AEN: variants seen among roughly 807,000 people sequenced by gnomAD.
AEN encodes apoptosis enhancing nuclease, also known as apoptosis-enhancing nuclease.
In AEN, 21 loss-of-function variants were observed where a neutral mutation model predicts 17.7. That is an observed-to-expected ratio of 1.19 (90% CI 0.84 to 1.71). AEN has a LOEUF of 1.71. Among genes scored for constraint, AEN ranks in the 40% most tolerant of loss-of-function variants. The pLI is 0.00. For missense variants in AEN, 462 were observed against 435.9 expected (o/e 1.06, Z -0.53); for synonymous variants, 190 against 173.0 (o/e 1.10, Z -0.77).
upstream of AEN, among the ~76,000 whole-genome samples, chr15:88,618,945 T>G (rs1039007427): frequency 2.6e-5 from 4 of 152,300 alleles, no homozygotes; most frequent in East Asian, 7.7e-4. Flanking sequence ...TAGTTGGGAC[T>G]GTAGGCACAC....
upstream of AEN, among the ~76,000 whole-genome samples, chr15:88,620,535 CT>C: frequency 6.6e-6 from 1 of 152,072 alleles, no homozygotes; most frequent in East Asian, 1.9e-4. Flanking sequence ...CTGCCTCAGC[CT>C]CCCGAGTAGC....
rs1286163611 is a variant in AEN, at chr15:88,630,310, C to T, written c.*16C>T. Reference sequence around the variant, plus strand: ...AAGGAATTGAGAAGGGGGCGGGGCTCCCTGGCTGGGCTTCCGGTGTGGCCG... The same window carrying T: ...AAGGAATTGAGAAGGGGGCGGGGCTTCCTGGCTGGGCTTCCGGTGTGGCCG... On this transcript the variant is annotated 3_prime_UTR_variant, in exon 4 of 4. Coordinates refer to ENST00000332810, the MANE Select transcript of AEN (RefSeq NM_022767.4). The surrounding 1 kb of genome is among the most constrained non-coding windows in gnomAD (Gnocchi z 5.1). The T allele has an allele frequency of 8.3e-6, 13 of 1,561,172 alleles. No individual in the cohort carries two copies. Among genetic ancestry groups the T allele is most frequent in the Middle Eastern group, 3.3e-4 (2 of 5,992 alleles).
intron 1 of AEN, among the ~76,000 whole-genome samples, chr15:88,624,430 C>A (rs769093863): frequency 6.6e-6 from 1 of 152,174 alleles, no homozygotes; most frequent in Non-Finnish European, 1.5e-5. Context: ...AGAGTCTAAC[C>A]TCTCTGGGAG....
At chr15:88,628,329 T>C (rs184598027) in intron 2 of AEN, 1 of 152,246 alleles carries the variant, frequency 6.6e-6, no homozygotes, top group African/African-American at 2.4e-5. Flanking sequence ...GATAAACATA[T>C]GTTGCCAGCA....
the AEN span, among the ~76,000 whole-genome samples, chr15:88,611,388 G>T: frequency 6.7e-6 from 1 of 148,562 alleles, no homozygotes; most frequent in Non-Finnish European, 1.5e-5. Flanking sequence ...TTGAGCCCAG[G>T]AGTTCAAGAC....
At chr15:88,610,020 G>C in the AEN span, among the ~76,000 whole-genome samples, 1 of 152,218 alleles carries the variant, frequency 6.6e-6, no homozygotes, top group Non-Finnish European at 1.5e-5. Flanking sequence ...ATGTAAGCTA[G>C]ATCAGTCAGT....
At chr15:88,605,620 G>C in the AEN span, among the ~76,000 whole-genome samples, 4 of 152,344 alleles carry the variant, frequency 2.6e-5, no homozygotes, top group South Asian at 8.3e-4. This position sits in a 1 kb window ranked among gnomAD's most constrained non-coding sequence, Gnocchi z 7.6. Flanking sequence ...AATCAGAGGC[G>C]CCGGGGATTG....
At chr15:88,612,571 TTTTATTTATTTA>T in the AEN span, among the ~76,000 whole-genome samples, 487 of 140,542 alleles carry the variant, frequency 3.5e-3, 1 homozygote, top group Admixed American at 6.2e-3. Flanking sequence ...TTTCCCAGCC[TTTTATTTATTTA>T]TTTATTTATT....
the AEN span, chr15:88,605,084 G>A: frequency 1.3e-5 from 2 of 152,406 alleles, no homozygotes; most frequent in Admixed American, 6.5e-5. This position sits in a 1 kb window ranked among gnomAD's most constrained non-coding sequence, Gnocchi z 7.6. Flanking sequence ...AGAAGCGAGC[G>A]GCCAGGCTTG....
chr15:88,610,622 A>C, the AEN span, among the ~76,000 whole-genome samples: 2 of 149,504 alleles, frequency 1.3e-5, no homozygotes, highest in Non-Finnish European at 3.0e-5. Flanking sequence ...GACTCCCCCC[A>C]CTCCTCCTGC....
In AEN at chr15:88,626,983, C is replaced by G. The variant is rs2057863252; in HGVS notation, c.540+234C>G. The G allele has an allele frequency of 5.4e-6, 3 of 557,284 alleles. No individual in the cohort carries two copies. The East Asian group carries it at 9.0e-5, about 17-fold the overall frequency. The allele number at this position is 557,284 out of a possible 1,614,324, so 34.5% of individuals were successfully genotyped here. The stretch of plus-strand genomic sequence containing the variant: ...CACAGGACAATGTAGAAAGGCTACA[C>G]CAACTGTAAGGTGATAAATAGCTTA... On this transcript the variant is annotated intron_variant, in intron 2 of 3. Coordinates refer to ENST00000332810, the MANE Select transcript of AEN (RefSeq NM_022767.4).
At chr15:88,617,072 A>G (rs1303860109), upstream of AEN, among the ~76,000 whole-genome samples, 1 of 152,256 alleles carries the variant, frequency 6.6e-6, no homozygotes, top group African/African-American at 2.4e-5. Context: ...ATGATTTGAT[A>G]CAAATATTAT....
At chr15:88,622,347 A>T (rs575816806) in intron 1 of AEN, among the ~76,000 whole-genome samples, 1 of 152,354 alleles carries the variant, frequency 6.6e-6, no homozygotes, top group Non-Finnish European at 1.5e-5. Flanking sequence ...GGGTCCCCAA[A>T]GAGGTGTGTC....
upstream of AEN, among the ~76,000 whole-genome samples, chr15:88,617,040 G>A (rs985210882): frequency 1.3e-5 from 2 of 151,188 alleles, no homozygotes; most frequent in Non-Finnish European, 1.5e-5. Flanking sequence ...TTAAATGAAC[G>A]CAATGGAGTC....
chr15:88,613,809 C>T, the AEN span, among the ~76,000 whole-genome samples: 35,305 of 152,092 alleles, frequency 0.23, 4,640 homozygotes, highest in Non-Finnish European at 0.29. Context: ...TAGGTTATTA[C>T]GATAAGTAGG....
chr15:88,605,027 G>A, the AEN span: 3 of 152,334 alleles, frequency 2.0e-5, no homozygotes, highest in African/African-American at 7.2e-5. This position sits in a 1 kb window ranked among gnomAD's most constrained non-coding sequence, Gnocchi z 7.6. Context: ...CAGCCAACTG[G>A]AGCTGATATT....
rs2057930421 is a variant in AEN, at chr15:88,631,705, C to G, written c.*1411C>G. The stretch of plus-strand genomic sequence containing the variant: ...TTTATTCTTTGAGAATTTGTTGTAA[C>G]TTCTTCAGGATAACACCTGAGTCCA... On this transcript the variant is annotated 3_prime_UTR_variant, in exon 4 of 4. Transcript: ENST00000332810. The G allele has an allele frequency of 6.6e-6, 1 of 152,366 alleles. No homozygotes were observed. The highest frequency in any genetic ancestry group is 2.1e-4 in the South Asian group (1 of 4,866). The allele number at this position is 152,366 out of a possible 1,614,324, so 9.4% of individuals were successfully genotyped here. A position where few individuals can be genotyped will look rare whatever the true frequency, so the allele number is the denominator to read the frequency against.
chr15:88,616,971 A>G (rs112097444), upstream of AEN, among the ~76,000 whole-genome samples: 5 of 152,378 alleles, frequency 3.3e-5, no homozygotes, highest in African/African-American at 1.2e-4. Flanking sequence ...TTATCCGGAC[A>G]TGGCCTCATT....
chr15:88,607,913 G>A, the AEN span, among the ~76,000 whole-genome samples: 1 of 152,166 alleles, frequency 6.6e-6, no homozygotes, highest in Non-Finnish European at 1.5e-5. Context: ...AGACCAGACA[G>A]CTGGTCTGCT....
Sources: gnomAD v4.1 joint callset for allele counts (sites outside exome capture counted in the v4.1 genomes callset) on GRCh38, gnomAD v4.1.1 for gene constraint, Gnocchi (gnomAD v3.1) non-coding constraint, MANE v1.5 for transcripts, NCBI Gene and HGNC (gene_info 2026-07-23, HGNC 2026-07-21) for gene names.